Variants in GAS2L3 observed in about 807,000 individuals in gnomAD.
The protein encoded by GAS2L3 is growth arrest specific 2 like 3, also known as GAS2-like protein 3.
A neutral mutation model predicts 37.0 loss-of-function variants in GAS2L3; 28 were observed. The observed-to-expected ratio is 0.76, with a 90% CI of 0.56 to 1.04. The LOEUF is 1.04. GAS2L3 is among the 50% of genes least tolerant of loss of function. GAS2L3 has a pLI of 0.00. For missense variants in GAS2L3, 793 were observed against 817.6 expected (o/e 0.97, Z 0.37); for synonymous variants, 290 against 296.6 (o/e 0.98, Z 0.23).
chr12:100,579,583 A>G, intron 1 of GAS2L3: 1 of 773,376 alleles, frequency 1.3e-6, no homozygotes, highest in Non-Finnish European at 2.4e-6. Flanking sequence ...TACCAGTTGC[A>G]TGACAGGGTG....
Position 100,618,568 on chromosome 12 carries a change from A to C in GAS2L3, c.629A>C (p.His210Pro), listed in dbSNP as rs753510332. The change falls in exon 8 of 10, where the codon CAT (histidine) becomes CCT (proline). Residue 210 changes from histidine to proline, a missense_variant. Transcript: ENST00000547754. Reference sequence around the variant, plus strand: ...AGCATTCCAAAATCATGCTGTCGGCATGAAGAGCTACATGAAGCTGTAAGT... The same window carrying C: ...AGCATTCCAAAATCATGCTGTCGGCCTGAAGAGCTACATGAAGCTGTAAGT... ...SISIPKSCCRHEELHEAVKHI... is the reference protein window; with the variant it reads ...SISIPKSCCRPEELHEAVKHI... The C allele has an allele frequency of 1.2e-6, 2 of 1,611,622 alleles. No individual in the cohort carries two copies. Among genetic ancestry groups the C allele is most frequent in the East Asian group, 4.5e-5 (2 of 44,806 alleles).
intron 6 of GAS2L3, among the ~76,000 whole-genome samples, chr12:100,616,845 C>CA (rs1334328797): frequency 6.6e-6 from 1 of 152,086 alleles, no homozygotes; most frequent in African/African-American, 2.4e-5. Flanking sequence ...CTACATCCTC[C>CA]AATACAATGC....
intron 1 of GAS2L3, among the ~76,000 whole-genome samples, chr12:100,587,420 T>C (rs1304828837): frequency 6.6e-6 from 1 of 152,216 alleles, no homozygotes; most frequent in Non-Finnish European, 1.5e-5. Flanking sequence ...GATGCAAGGA[T>C]GGTTTAACAT....
chr12:100,624,672 AC>A lies in GAS2L3; in HGVS notation c.1869del (p.Thr625HisfsTer62). 6.2e-7 allele frequency: 1 copy of A among 1,614,130 alleles called. No individual in the cohort carries two copies. Among genetic ancestry groups the A allele is most frequent in the Admixed American group, 1.7e-5 (1 of 60,000 alleles). On this transcript the variant is annotated frameshift_variant, in exon 10 of 10. Coordinates refer to ENST00000547754, the MANE Select transcript of GAS2L3 (RefSeq NM_174942.3). LOFTEE classifies it low-confidence loss of function (END_TRUNC). Reference protein sequence around the residue: ...LSIVSLPQSSTKTQTAPKSAQ... With the variant: ...LSIVSLPQSSXKTQTAPKSAQ... ...CATCGTGAGCCTACCCCAGTCTTCT[AC>A]CAAAACACAAACTGCACCGAAGTCA... is the stretch of plus-strand genomic sequence containing the variant.
At chr12:100,584,956 T>C (rs989360642) in intron 1 of GAS2L3, among the ~76,000 whole-genome samples, 9 of 147,722 alleles carry the variant, frequency 6.1e-5, no homozygotes, top group African/African-American at 2.3e-4. Flanking sequence ...TGGCGCAATC[T>C]TGACTCCCTG....
intron 1 of GAS2L3, among the ~76,000 whole-genome samples, chr12:100,574,422 C>T (rs948045076): frequency 1.3e-5 from 2 of 152,146 alleles, no homozygotes; most frequent in African/African-American, 2.4e-5. Flanking sequence ...TGCCTTCCGC[C>T]CACAACCCTC....
chr12:100,579,597 C>A, intron 1 of GAS2L3: 1 of 773,220 alleles, frequency 1.3e-6, no homozygotes, highest in Non-Finnish European at 2.4e-6. Flanking sequence ...CAGGGTGCAT[C>A]TTTTGGGAGC....
chr12:100,627,943 G>A lies in GAS2L3; in HGVS notation c.*3053G>A, dbSNP rs1370698512. 1 of 152,138 alleles carries A rather than the reference G, an allele frequency of 6.6e-6. No individual in the cohort carries two copies. Among genetic ancestry groups the A allele is most frequent in the Non-Finnish European group, 1.5e-5 (1 of 68,016 alleles). The allele number at this position is 152,138 out of a possible 1,614,324, so 9.4% of individuals were successfully genotyped here. ...ATGAAATGCCGATTATTTTTACCTT[G>A]TTTGGGCTTAAAGTAGGTATTTAAG... On this transcript the variant is annotated 3_prime_UTR_variant, in exon 10 of 10. Transcript: ENST00000547754.
chr12:100,616,525 T>TAAAA (rs1956189507), intron 6 of GAS2L3, among the ~76,000 whole-genome samples: 2 of 152,224 alleles, frequency 1.3e-5, no homozygotes, highest in East Asian at 3.9e-4. Flanking sequence ...AGTCTTGAAC[T>TAAAA]CATGGATTCA....
chr12:100,577,375 G>T (rs186934972), intron 1 of GAS2L3, among the ~76,000 whole-genome samples: 2 of 151,906 alleles, frequency 1.3e-5, no homozygotes, highest in African/African-American at 4.8e-5. Flanking sequence ...TCTTAAGTTC[G>T]TTAAAAAAAT....
rs1363251674 is a variant in GAS2L3 at position 100,577,617 on chromosome 12, A to C, written c.-152+3832A>C. 2.0e-5 allele frequency among the ~76,000 whole-genome samples: 3 copies of C among 152,372 alleles called. No homozygotes were observed. The East Asian group carries it at 5.8e-4, about 29-fold the overall frequency. On this transcript the variant is annotated intron_variant, in intron 1 of 9. Transcript: ENST00000547754. ...AGAAGCATCTGTTGCATTTAGGAGT[A>C]ATTCTAGTACTAATTTTAACTCTGA...
chr12:100,622,007 T>G (rs1281381555), intron 8 of GAS2L3, among the ~76,000 whole-genome samples: 1 of 151,998 alleles, frequency 6.6e-6, no homozygotes, highest in Non-Finnish European at 1.5e-5. Flanking sequence ...AGCTGTATGA[T>G]CTCAGGCAAG....
At chr12:100,607,831 T>A (rs928191023) in intron 5 of GAS2L3, among the ~76,000 whole-genome samples, 1 of 152,302 alleles carries the variant, frequency 6.6e-6, no homozygotes, top group Non-Finnish European at 1.5e-5. Flanking sequence ...CTGTGTTATC[T>A]TGAATTTATT....
Position 100,591,857 on chromosome 12 carries a change from G to A in GAS2L3, c.-31+1G>A, listed in dbSNP as rs1312963472. On this transcript the variant is annotated splice_donor_variant, in intron 2 of 9. Transcript: ENST00000547754. LOFTEE classifies it low-confidence loss of function (5UTR_SPLICE). The stretch of plus-strand genomic sequence containing the variant: ...CTACTACCCCATTGCTGTCTTTATG[G>A]TGAGTTATTTTAGTACACATTAAGA... 1 of 151,988 alleles carries A rather than the reference G, an allele frequency of 6.6e-6. No homozygotes were observed. The highest frequency in any genetic ancestry group is 2.4e-5 in the African/African-American group (1 of 41,366). 9.4% of individuals were successfully genotyped at this position (151,988 alleles called of 1,614,324 possible).
At chr12:100,576,592 T>C (rs544289707) in intron 1 of GAS2L3, among the ~76,000 whole-genome samples, 66 of 152,282 alleles carry the variant, frequency 4.3e-4, no homozygotes, top group African/African-American at 1.5e-3. Context: ...TTGTCTCACA[T>C]TGAGTTTCTT....
Position 100,618,571 on chromosome 12 carries a change from A to G in GAS2L3, c.632A>G (p.Glu211Gly). Residue 211 changes from glutamate to glycine, a missense_variant, in exon 8 of 10, where the codon GAA becomes GGA. Transcript: ENST00000547754. ...ISIPKSCCRH[E>G]ELHEAVKHIA... The stretch of plus-strand genomic sequence containing the variant: ...ATTCCAAAATCATGCTGTCGGCATG[A>G]AGAGCTACATGAAGCTGTAAGTAGT... The G allele has an allele frequency of 6.2e-7, 1 of 1,611,748 alleles. No individual in the cohort carries two copies.
chr12:100,598,116 G>A (rs1366529541), intron 3 of GAS2L3, among the ~76,000 whole-genome samples: 1 of 152,052 alleles, frequency 6.6e-6, no homozygotes, highest in Non-Finnish European at 1.5e-5. Flanking sequence ...CAAAAACAAG[G>A]ACATCTTCCT....
At chr12:100,619,197 G>GTT (rs1439352667) in intron 8 of GAS2L3, among the ~76,000 whole-genome samples, 1 of 145,684 alleles carries the variant, frequency 6.9e-6, no homozygotes, top group East Asian at 2.0e-4. Context: ...AGATTGATGG[G>GTT]TTTTTTTTTT....
At chr12:100,584,869 G>A (rs1465280714) in intron 1 of GAS2L3, among the ~76,000 whole-genome samples, 1 of 138,698 alleles carries the variant, frequency 7.2e-6, no homozygotes, top group Non-Finnish European at 1.6e-5. Context: ...CTGTGCTTGG[G>A]CCCTACTTGA....
Sources: allele counts gnomAD v4.1 joint callset (sites outside exome capture counted in the v4.1 genomes callset), GRCh38; gene constraint gnomAD v4.1.1; transcripts MANE v1.5; gene names NCBI Gene and HGNC (gene_info 2026-07-23, HGNC 2026-07-21).